UFC1: variants seen among roughly 807,000 people sequenced by gnomAD.
UFC1 encodes ubiquitin-fold modifier-conjugating enzyme 1.
A neutral mutation model predicts 28.0 loss-of-function variants in UFC1; 22 were observed. That is an observed-to-expected ratio of 0.78 (90% confidence interval 0.56 to 1.12). UFC1 has a LOEUF of 1.12. Among genes scored for constraint, UFC1 ranks in the 50% most tolerant of loss-of-function variants. UFC1 has a pLI of 0.00. For synonymous variants in UFC1, 61 were observed against 74.5 expected (o/e 0.82, Z 0.93); for missense variants, 189 against 207.8 (o/e 0.91, Z 0.56).
At chr1:161,156,008 G>A (rs1028610507) in intron 1 of UFC1, among the ~76,000 whole-genome samples, 2 of 152,182 alleles carry the variant, frequency 1.3e-5, no homozygotes, top group African/African-American at 4.8e-5. Flanking sequence ...AGGACTATAT[G>A]AGGCTAGAAG....
chr1:161,154,881 G>A (rs1571263649), intron 1 of UFC1, among the ~76,000 whole-genome samples: 1 of 152,060 alleles, frequency 6.6e-6, no homozygotes, highest in Non-Finnish European at 1.5e-5. Context: ...AGTTAGAAAC[G>A]GGCTGTCTTC....
At chr1:161,158,305 A>G (rs1657610035) in intron 5 of UFC1, 94 bp downstream of exon 5, 1 of 1,566,836 alleles carries the variant, frequency 6.4e-7, no homozygotes, top group East Asian at 2.2e-5. Context: ...AATAACAGTG[A>G]TGTCCCTTAA....
chr1:161,155,893 A>G (rs905937254), intron 1 of UFC1, among the ~76,000 whole-genome samples: 1 of 152,246 alleles, frequency 6.6e-6, no homozygotes. Flanking sequence ...ATGAAGGTCA[A>G]AACGTCAACA....
In UFC1 at chr1:161,158,673, C is replaced by T; in HGVS notation, c.*181C>T. 1 of 651,750 alleles carries T rather than the reference C, an allele frequency of 1.5e-6. No individual in the cohort carries two copies. Among genetic ancestry groups the T allele is most frequent in the Admixed American group, 2.4e-5 (1 of 41,470 alleles). The allele number at this position is 651,750 out of a possible 1,614,324, so 40.4% of individuals were successfully genotyped here. The stretch of plus-strand genomic sequence containing the variant: ...AAACACACACCAAACAGTACTGCTA[C>T]TTAGTTTCTAAGGCTGCACAGGGAA... On this transcript the variant is annotated 3_prime_UTR_variant, in exon 6 of 6. Coordinates refer to ENST00000368003, the MANE Select transcript of UFC1 (RefSeq NM_016406.4).
rs772108711 is a variant in UFC1, at chr1:161,157,029, C to G, written c.191+12C>G. On this transcript the variant is annotated intron_variant, in intron 2 of 5. Transcript: ENST00000368003. ...AAGGAAGGAACTCGGTAGGTAGACCCTCTTGGGAGGTGTGGGGTGGGAGTC... is the reference window on the plus strand; with the variant it reads ...AAGGAAGGAACTCGGTAGGTAGACCGTCTTGGGAGGTGTGGGGTGGGAGTC... 1.2e-5 allele frequency: 19 copies of G among 1,613,484 alleles called. No homozygotes were observed. Among genetic ancestry groups the G allele is most frequent in the Admixed American group, 5.0e-5 (3 of 59,936 alleles).
intron 1 of UFC1, 51 bp downstream of exon 1, chr1:161,154,171 C>T: frequency 6.2e-7 from 1 of 1,605,936 alleles, no homozygotes; most frequent in East Asian, 2.2e-5. Context: ...TGGGAGAAAT[C>T]AGGTGTCCTC....
chr1:161,157,180 G>A, intron 2 of UFC1, 74 bp from the exon 3 acceptor site: 1 of 1,593,032 alleles, frequency 6.3e-7, no homozygotes, highest in Non-Finnish European at 8.6e-7. Flanking sequence ...TCCCAGGCTG[G>A]TGGCCTAAGC....
chr1:161,154,266 G>T, intron 1 of UFC1, 146 bp downstream of exon 1: 1 of 1,344,128 alleles, frequency 7.4e-7, no homozygotes, highest in Non-Finnish European at 1.0e-6. Flanking sequence ...TGGGGCTCGG[G>T]GACTAAGGAG....
At position 161,156,974 on chromosome 1, in the gene UFC1, G is replaced by A. The variant is rs771769527; in HGVS notation, c.148G>A (p.Asp50Asn). The A allele has an allele frequency of 8.1e-5, 131 of 1,614,116 alleles. No homozygotes were observed. Among genetic ancestry groups the A allele is most frequent in the Non-Finnish European group, 1.0e-4 (122 of 1,180,046 alleles). Residue 50 changes from aspartate to asparagine, a missense_variant, in exon 2 of 6, where the codon GAC becomes AAC. Coordinates refer to ENST00000368003, the MANE Select transcript of UFC1 (RefSeq NM_016406.4). ...GTATGTGGAGAACAACAAGAATGCT[G>A]ACAACGATTGGTTCCGACTGGAGTC... is the stretch of plus-strand genomic sequence containing the variant. ...IRYVENNKNA[D>N]NDWFRLESNK...
chr1:161,154,108 G>A lies in UFC1; in HGVS notation c.111G>A (p.Gln37=), dbSNP rs769534387. ...LWVQRLKEEY[Q]SLIRYVENNK... ...TGCAGCGACTGAAGGAGGAATATCAGTCCCTTATCCGGGTTAGTTGTGTTT... is the reference window on the plus strand; with the variant it reads ...TGCAGCGACTGAAGGAGGAATATCAATCCCTTATCCGGGTTAGTTGTGTTT... Residue 37 remains glutamine (Q), a synonymous_variant, in exon 1 of 6, where the codon CAG becomes CAA. Coordinates refer to ENST00000368003, the MANE Select transcript of UFC1 (RefSeq NM_016406.4). The A allele has an allele frequency of 4.3e-6, 7 of 1,614,090 alleles. No homozygotes were observed. In the South Asian group the frequency reaches 7.7e-5, roughly 18 times the overall value.
intron 1 of UFC1, among the ~76,000 whole-genome samples, chr1:161,154,459 ATC>A (rs1417377711): frequency 1.3e-5 from 2 of 152,174 alleles, no homozygotes; most frequent in East Asian, 3.9e-4. Context: ...CCCAGTCCGC[ATC>A]TCTCTGCCCC....
intron 4 of UFC1, 87 bp downstream of exon 4, chr1:161,157,780 C>CT (rs1571266821): frequency 1.8e-6 from 2 of 1,087,522 alleles, no homozygotes; most frequent in Non-Finnish European, 2.8e-6. Flanking sequence ...GGAAGAATAG[C>CT]TAATGGATGC....
chr1:161,155,848 C>A (rs192417744), intron 1 of UFC1, among the ~76,000 whole-genome samples: 1 of 152,178 alleles, frequency 6.6e-6, no homozygotes, highest in East Asian at 1.9e-4. Flanking sequence ...ATAAAAAATT[C>A]CAGATGGAAA....
At position 161,156,898 on chromosome 1, in the gene UFC1, G is replaced by T. The variant is rs923353174; in HGVS notation, c.124-52G>T. 4.8e-6 allele frequency: 7 copies of T among 1,471,448 alleles called. No homozygotes were observed. In the South Asian group the frequency reaches 7.0e-5, roughly 15 times the overall value. The allele number at this position is 1,471,448 out of a possible 1,614,324, so 91.1% of individuals were successfully genotyped here. ...CATACTTTTCTTTTGAGGAGAGGGG[G>T]ACTGCCCTTGGCCCCAACTACTCTC... On this transcript the variant is annotated intron_variant, in intron 1 of 5. Transcript: ENST00000368003.
At chr1:161,156,805 G>A in intron 1 of UFC1, 145 bp from the exon 2 acceptor site, 1 of 674,490 alleles carries the variant, frequency 1.5e-6, no homozygotes, top group East Asian at 2.8e-5. Context: ...TTGCGCCACT[G>A]CACTCCAGCC....
Position 161,158,135 on chromosome 1 carries a change from G to A in UFC1, c.347G>A (p.Cys116Tyr). 6.2e-7 allele frequency: 1 copy of A among 1,614,132 alleles called. No individual in the cohort carries two copies. Among genetic ancestry groups the A allele is most frequent in the South Asian group, 1.1e-5 (1 of 91,080 alleles). ...CCCTCTCATAGGGGTGGCAAAATAT[G>A]CCTGACGGATCATTTCAAACCTTTG... ...TAKMYRGGKI[C>Y]LTDHFKPLWA... The change falls in exon 5 of 6, where the codon TGC (cysteine) becomes TAC (tyrosine). Residue 116 changes from cysteine (C) to tyrosine (Y), a missense_variant. Transcript: ENST00000368003.
At position 161,157,915 on chromosome 1, in the gene UFC1, A is replaced by G. The variant is rs1657584755; in HGVS notation, c.333-206A>G. The G allele has an allele frequency of 9.4e-6, 6 of 640,364 alleles. No individual in the cohort carries two copies. The South Asian group carries it at 1.0e-4, about 11-fold the overall frequency. The allele number at this position is 640,364 out of a possible 1,614,324, so 39.7% of individuals were successfully genotyped here. ...CTTAAAAGATGTAAGGAAAAAAAAA[A>G]AAAGGAAGAACTTTGGAGGCAGAGA... On this transcript the variant is annotated intron_variant, in intron 4 of 5. Coordinates refer to ENST00000368003, the MANE Select transcript of UFC1 (RefSeq NM_016406.4).
chr1:161,158,139 G>T lies in UFC1; in HGVS notation c.351G>T (p.Leu117=), dbSNP rs770056699. 3 of 1,614,036 alleles carry T rather than the reference G, an allele frequency of 1.9e-6. No homozygotes were observed. In the Admixed American group the frequency reaches 5.0e-5, roughly 27 times the overall value. ...CTCATAGGGGTGGCAAAATATGCCT[G>T]ACGGATCATTTCAAACCTTTGTGGG... is the stretch of plus-strand genomic sequence containing the variant. ...AKMYRGGKIC[L]TDHFKPLWAR... is the part of the protein sequence containing the mutation. The change falls in exon 5 of 6, where the codon CTG becomes CTT. Residue 117 remains leucine (L), a synonymous_variant. Transcript: ENST00000368003.
chr1:161,158,583 C>T lies in UFC1; in HGVS notation c.*91C>T. On this transcript the variant is annotated 3_prime_UTR_variant, in exon 6 of 6. Coordinates refer to ENST00000368003, the MANE Select transcript of UFC1 (RefSeq NM_016406.4). ...TCACACTTAACTCATCTAACTGCTT[C>T]CCCGGACACCCTCCACCTCTAGTTG... is the stretch of plus-strand genomic sequence containing the variant. 1 of 1,355,824 alleles carries T rather than the reference C, an allele frequency of 7.4e-7. No individual in the cohort carries two copies. Among genetic ancestry groups the T allele is most frequent in the East Asian group, 2.3e-5 (1 of 42,716 alleles). 84.0% of individuals were successfully genotyped at this position (1,355,824 alleles called of 1,614,324 possible).
Sources: allele counts gnomAD v4.1 joint callset (sites outside exome capture counted in the v4.1 genomes callset), GRCh38; gene constraint gnomAD v4.1.1; transcripts MANE v1.5; gene names NCBI Gene and HGNC (gene_info 2026-07-23, HGNC 2026-07-21).